Variants in AMBRA1 observed in about 807,000 individuals in gnomAD.
AMBRA1 encodes the protein activating molecule in BECN1-regulated autophagy protein 1.
Under a neutral mutation model 125.4 loss-of-function variants are expected in AMBRA1, and 47 were observed. The observed-to-expected ratio is 0.37, with a 90% CI of 0.30 to 0.48. The LOEUF is 0.48. AMBRA1 is among the 20% of genes least tolerant of loss of function. AMBRA1 has a pLI of 0.99. For synonymous variants in AMBRA1, 626 were observed against 655.5 expected (o/e 0.95, Z 0.69); for missense variants, 1,331 against 1,693.4 (o/e 0.79, Z 3.76).
chr11:46,547,931 A>G (rs2042876779), intron 2 of AMBRA1, 56 bp from the exon 3 acceptor site: 2 of 1,548,212 alleles, frequency 1.3e-6, no homozygotes, highest in Admixed American at 1.8e-5. Context: ...ACCATGGTTC[A>G]CCGTATCTCA....
chr11:46,509,883 T>A (rs189754758), intron 8 of AMBRA1, among the ~76,000 whole-genome samples: 1 of 151,758 alleles, frequency 6.6e-6, no homozygotes, highest in Non-Finnish European at 1.5e-5. Context: ...CAGAAAAAAA[T>A]TGATTAAGAA....
chr11:46,398,049 GGATA>G (rs1035375850), intron 17 of AMBRA1, 106 bp from the exon 18 acceptor site: 28 of 1,413,596 alleles, frequency 2.0e-5, no homozygotes, highest in Non-Finnish European at 2.5e-5. Flanking sequence ...ACTAAACGCA[GGATA>G]GAGAAAGACT....
At chr11:46,516,427 T>C (rs940877035) in intron 7 of AMBRA1, among the ~76,000 whole-genome samples, 14 of 121,668 alleles carry the variant, frequency 1.2e-4, no homozygotes, top group East Asian at 2.1e-4. Flanking sequence ...ATCTTTCTTT[T>C]TTTTTTTTTT....
intron 1 of AMBRA1, among the ~76,000 whole-genome samples, chr11:46,579,886 T>C (rs1043917971): frequency 1.3e-5 from 2 of 152,182 alleles, no homozygotes; most frequent in Non-Finnish European, 2.9e-5. Context: ...CTAACTTTAG[T>C]ATTTTTAGTA....
chr11:46,512,201 C>G (rs1322585526), intron 8 of AMBRA1, among the ~76,000 whole-genome samples: 2 of 152,182 alleles, frequency 1.3e-5, no homozygotes, highest in Non-Finnish European at 2.9e-5. Flanking sequence ...TAATAAAATG[C>G]CAACTTGTTT....
rs141813932 is a variant in AMBRA1 at position 46,588,422 on chromosome 11, G to C, written c.-121+5406C>G. Among the ~76,000 whole-genome samples, 967 of 152,230 alleles carry C rather than the reference G, an allele frequency of 6.4e-3. 7 individuals carry two copies. Among genetic ancestry groups the C allele is most frequent in the South Asian group, 0.021 (103 of 4,816 alleles). The stretch of plus-strand genomic sequence containing the variant: ...TAAAATAGCATGGAAGTTAACAATT[G>C]AAGAGTACTTTATCCTTTTAAAGCA... On this transcript the variant is annotated intron_variant, in intron 1 of 17. Transcript: ENST00000683756.
chr11:46,536,478 G>A (rs1009299891), intron 7 of AMBRA1, among the ~76,000 whole-genome samples: 1 of 152,168 alleles, frequency 6.6e-6, no homozygotes, highest in African/African-American at 2.4e-5. Context: ...AACTGGGAGA[G>A]ATTAGATATC....
intron 7 of AMBRA1, among the ~76,000 whole-genome samples, chr11:46,528,071 G>A (rs1369198877): frequency 6.6e-6 from 1 of 152,230 alleles, no homozygotes; most frequent in Non-Finnish European, 1.5e-5. Flanking sequence ...TCCATCAGTA[G>A]ATGAATGGAT....
intron 13 of AMBRA1, 106 bp from the exon 14 acceptor site, chr11:46,433,734 G>A: frequency 4.2e-6 from 5 of 1,197,842 alleles, no homozygotes; most frequent in Non-Finnish European, 5.9e-6. Flanking sequence ...ATATTCACTT[G>A]CTCATCCTGG....
chr11:46,562,456 C>T (rs1019195509), intron 1 of AMBRA1, among the ~76,000 whole-genome samples: 6 of 151,976 alleles, frequency 3.9e-5, no homozygotes, highest in African/African-American at 1.5e-4. Context: ...GGAATTTGGG[C>T]CAGGGTTATA....
At chr11:46,474,915 G>T (rs562566529) in intron 11 of AMBRA1, among the ~76,000 whole-genome samples, 1 of 152,150 alleles carries the variant, frequency 6.6e-6, no homozygotes, top group Non-Finnish European at 1.5e-5. Context: ...CACAGTGTGC[G>T]CTTGAGAAAT....
At chr11:46,518,774 GA>G in intron 7 of AMBRA1, among the ~76,000 whole-genome samples, 1 of 152,216 alleles carries the variant, frequency 6.6e-6, no homozygotes, top group Non-Finnish European at 1.5e-5. Context: ...CATCAAAAAT[GA>G]ATATTAAGCT....
chr11:46,577,268 T>C (rs1479823628), intron 1 of AMBRA1, among the ~76,000 whole-genome samples: 2 of 152,236 alleles, frequency 1.3e-5, no homozygotes, highest in African/African-American at 4.8e-5. Context: ...TGGAATATTA[T>C]TCAGTCATGA....
intron 11 of AMBRA1, among the ~76,000 whole-genome samples, chr11:46,476,292 T>TG: frequency 6.6e-6 from 1 of 152,314 alleles, no homozygotes; most frequent in East Asian, 1.9e-4. Context: ...GTCTCAGGGT[T>TG]GGCAGGTGAA....
chr11:46,426,859 C>G (rs1465872382), intron 14 of AMBRA1, among the ~76,000 whole-genome samples: 3 of 152,120 alleles, frequency 2.0e-5, no homozygotes, highest in African/African-American at 4.8e-5. Flanking sequence ...AGCCATCTGT[C>G]TTTTATCCCA....
intron 1 of AMBRA1, among the ~76,000 whole-genome samples, chr11:46,551,511 C>T (rs935847933): frequency 6.6e-6 from 1 of 152,118 alleles, no homozygotes; most frequent in African/African-American, 2.4e-5. Flanking sequence ...AACCACTGCA[C>T]TAGGTGCTGA....
chr11:46,518,726 A>C, intron 7 of AMBRA1, among the ~76,000 whole-genome samples: 1 of 152,328 alleles, frequency 6.6e-6, no homozygotes, highest in Non-Finnish European at 1.5e-5. Context: ...AGAACAAAAA[A>C]GAACTTGAAA....
chr11:46,467,483 T>TC (rs1285924201), intron 11 of AMBRA1, among the ~76,000 whole-genome samples: 1 of 152,162 alleles, frequency 6.6e-6, no homozygotes, highest in Non-Finnish European at 1.5e-5. Context: ...ACTCGCTTTT[T>TC]CCCATTCTCT....
chr11:46,503,121 TTTATAGCAGAA>T (rs1389142544), intron 9 of AMBRA1, among the ~76,000 whole-genome samples: 1 of 151,276 alleles, frequency 6.6e-6, no homozygotes, highest in Non-Finnish European at 1.5e-5. Flanking sequence ...AACTTGGCTG[TTTATAGCAGAA>T]GAGGACTAGC....
Sources: gnomAD v4.1 joint callset for allele counts (sites outside exome capture counted in the v4.1 genomes callset) on GRCh38, gnomAD v4.1.1 for gene constraint, MANE v1.5 for transcripts, NCBI Gene and HGNC (gene_info 2026-07-23, HGNC 2026-07-21) for gene names.